ABCA13: variants seen among roughly 807,000 people sequenced by gnomAD.
ABCA13 encodes the protein ATP binding cassette subfamily A member 13, also known as ATP-binding cassette sub-family A member 13.
In ABCA13, 476 loss-of-function variants were observed where a neutral mutation model predicts 478.7. The observed-to-expected ratio is 0.99, with a 90% confidence interval of 0.92 to 1.07. ABCA13 has a LOEUF of 1.07. ABCA13 is among the 50% of genes least tolerant of loss of function. ABCA13 has a pLI of 0.00. For synonymous variants in ABCA13, 2,252 were observed against 2,158.9 expected (o/e 1.04, Z -1.20); for missense variants, 6,060 against 5,910.6 (o/e 1.03, Z -0.83).
intron 49 of ABCA13, among the ~76,000 whole-genome samples, chr7:48,507,079 C>T (rs1831278754): frequency 6.6e-6 from 1 of 152,188 alleles, no homozygotes; most frequent in Non-Finnish European, 1.5e-5. Context: ...CAGGAAGCAC[C>T]GGTTGGGTTG....
chr7:48,627,108 A>G (rs1220699810), intron 59 of ABCA13: 1 of 922,834 alleles, frequency 1.1e-6, no homozygotes. Flanking sequence ...CTTTCTGTGC[A>G]TGGTCTTATT....
chr7:48,359,707 C>G (rs1320487688), intron 31 of ABCA13, among the ~76,000 whole-genome samples: 1 of 151,962 alleles, frequency 6.6e-6, no homozygotes, highest in African/African-American at 2.4e-5. Context: ...CCTCCCTGCA[C>G]TTGCCTCAAA....
At chr7:48,347,932 A>G (rs907493669) in intron 29 of ABCA13, among the ~76,000 whole-genome samples, 11 of 152,196 alleles carry the variant, frequency 7.2e-5, no homozygotes, top group African/African-American at 2.2e-4. Flanking sequence ...TGAGCAGATG[A>G]TTATCATTTC....
chr7:48,387,725 A>G (rs976173411), intron 35 of ABCA13, 97 bp from the exon 36 acceptor site: 1 of 1,038,812 alleles, frequency 9.6e-7, no homozygotes, highest in African/African-American at 1.6e-5. Context: ...AAATATTAAC[A>G]TGGGATGACA....
Position 48,352,177 on chromosome 7 carries a change from C to G in ABCA13, c.10382-4C>G. The stretch of plus-strand genomic sequence containing the variant: ...ATGCTTCGTTTTTCCTTTTCTGCCA[C>G]TAGGTATCATTTTCAGCAATTCCTT... On this transcript the variant is annotated splice_region_variant and splice_polypyrimidine_tract_variant and intron_variant, in intron 30 of 61. Coordinates refer to ENST00000435803, the MANE Select transcript of ABCA13 (RefSeq NM_152701.5). The G allele has an allele frequency of 6.2e-6, 10 of 1,600,268 alleles. No individual in the cohort carries two copies. Among genetic ancestry groups the G allele is most frequent in the Non-Finnish European group, 8.5e-6 (10 of 1,170,224 alleles).
intron 57 of ABCA13, among the ~76,000 whole-genome samples, chr7:48,591,667 G>T: frequency 6.6e-6 from 1 of 151,836 alleles, no homozygotes; most frequent in Non-Finnish European, 1.5e-5. Flanking sequence ...ATAGTTTTCA[G>T]TATACAGATC....
intron 19 of ABCA13, 30 bp downstream of exon 19, chr7:48,281,482 A>C (rs1797027851): frequency 6.4e-7 from 1 of 1,553,216 alleles, no homozygotes; most frequent in African/African-American, 1.4e-5. Flanking sequence ...AGTGCTCTGC[A>C]ATTGCCCTGT....
chr7:48,379,201 A>G (rs987404694), intron 35 of ABCA13, among the ~76,000 whole-genome samples: 10 of 152,368 alleles, frequency 6.6e-5, no homozygotes, highest in Admixed American at 4.6e-4. Context: ...AGCTAAAAAT[A>G]AGAGTTGGCA....
chr7:48,273,178 T>C lies in ABCA13; in HGVS notation c.3512T>C (p.Val1171Ala), dbSNP rs1795854689. Reference sequence around the variant, plus strand: ...CAATTATTTAAGTTTGACATGAATGTTTTCACATCTCTTCATCATGGTTTC... The same window carrying C: ...CAATTATTTAAGTTTGACATGAATGCTTTCACATCTCTTCATCATGGTTTC... The part of the protein sequence containing the change: ...ISQLFKFDMN[V>A]FTSLHHGFTQ... The change falls in exon 17 of 62, where the codon GTT becomes GCT. Residue 1171 changes from valine to alanine, a missense_variant. This residue lies in a region of ABCA13 where 4,423 missense variants were observed against 4,309.1 expected (regional missense o/e 1.03). Coordinates refer to ENST00000435803, the MANE Select transcript of ABCA13 (RefSeq NM_152701.5). 1 of 1,613,690 alleles carries C rather than the reference T, an allele frequency of 6.2e-7. No homozygotes were observed. Among genetic ancestry groups the C allele is most frequent in the Non-Finnish European group, 8.5e-7 (1 of 1,179,742 alleles).
At chr7:48,247,496 C>T (rs1037373402) in intron 13 of ABCA13, among the ~76,000 whole-genome samples, 1 of 152,000 alleles carries the variant, frequency 6.6e-6, no homozygotes, top group African/African-American at 2.4e-5. Context: ...AACAAATCAC[C>T]CCAAAGCTCA....
At chr7:48,557,127 C>A (rs1785915866) in intron 55 of ABCA13, among the ~76,000 whole-genome samples, 1 of 151,860 alleles carries the variant, frequency 6.6e-6, no homozygotes, top group Admixed American at 6.6e-5. Flanking sequence ...TTTTTTGTTT[C>A]TCTTTAAGTT....
At chr7:48,222,658 G>A (rs1057071101) in intron 5 of ABCA13, among the ~76,000 whole-genome samples, 1 of 152,106 alleles carries the variant, frequency 6.6e-6, no homozygotes, top group Admixed American at 6.6e-5. Flanking sequence ...CATATCCATC[G>A]TATGTTTGCG....
chr7:48,273,426 G>C lies in ABCA13; in HGVS notation c.3760G>C (p.Glu1254Gln), dbSNP rs1434222714. The C allele has an allele frequency of 6.2e-7, 1 of 1,613,308 alleles. No individual in the cohort carries two copies. The highest frequency in any genetic ancestry group is 2.2e-5 in the East Asian group (1 of 44,842). The change falls in exon 17 of 62, where the codon GAG (glutamate) becomes CAG (glutamine). Residue 1254 changes from glutamate (E) to glutamine (Q), a missense_variant. This residue lies in a region of ABCA13 where 4,423 missense variants were observed against 4,309.1 expected (regional missense o/e 1.03). Coordinates refer to ENST00000435803, the MANE Select transcript of ABCA13 (RefSeq NM_152701.5). ...AAAAAAACTTAACTTGGAGCAAGTG[G>C]AGAAATCCCTTTTCACCATGGAAGC... ...SVKKLNLEQVEKSLFTMEAAL... is the reference protein window; with the variant it reads ...SVKKLNLEQVQKSLFTMEAAL...
chr7:48,551,135 T>C (rs987259925), intron 55 of ABCA13, among the ~76,000 whole-genome samples: 1 of 146,576 alleles, frequency 6.8e-6, no homozygotes, highest in African/African-American at 2.6e-5. Flanking sequence ...GAGTTTTTTG[T>C]TTGTTTTTGT....
Position 48,524,228 on chromosome 7 carries a change from C to T in ABCA13, c.14052-20C>T. On this transcript the variant is annotated intron_variant, in intron 53 of 61. Coordinates refer to ENST00000435803, the MANE Select transcript of ABCA13 (RefSeq NM_152701.5). Reference sequence around the variant, plus strand: ...GTATCATTTGCTAGGTGTGAATTCACTCTGATTTCATCTTCCCAGGGGTCA... The same window carrying T: ...GTATCATTTGCTAGGTGTGAATTCATTCTGATTTCATCTTCCCAGGGGTCA... 1 of 1,601,106 alleles carries T rather than the reference C, an allele frequency of 6.2e-7. No homozygotes were observed. Among genetic ancestry groups the T allele is most frequent in the Non-Finnish European group, 8.5e-7 (1 of 1,172,312 alleles).
intron 15 of ABCA13, among the ~76,000 whole-genome samples, chr7:48,259,326 G>T (rs1793845057): frequency 1.3e-5 from 2 of 152,122 alleles, no homozygotes; most frequent in African/African-American, 4.8e-5. Flanking sequence ...AGGTCTTCTT[G>T]TTGGATTGAA....
At chr7:48,284,070 CATTGGG>C (rs1211804418) in intron 19 of ABCA13, among the ~76,000 whole-genome samples, 4 of 152,188 alleles carry the variant, frequency 2.6e-5, no homozygotes, top group African/African-American at 4.8e-5. Flanking sequence ...CCCTGCATGC[CATTGGG>C]AAAACTACTT....
Position 48,171,856 on chromosome 7 carries a change from C to T in ABCA13, c.69+304C>T, listed in dbSNP as rs543986615. 7.2e-5 allele frequency among the ~76,000 whole-genome samples: 11 copies of T among 152,290 alleles called. No individual in the cohort carries two copies. The South Asian group carries it at 2.3e-3, about 32-fold the overall frequency. ...AACTATAATTTGTGTTCTAAGCATT[C>T]GTTGTAAAAACTGAACAGTGAATTC... On this transcript the variant is annotated intron_variant, in intron 1 of 61. Transcript: ENST00000435803.
At chr7:48,381,567 G>A (rs900909433) in intron 35 of ABCA13, among the ~76,000 whole-genome samples, 1 of 152,010 alleles carries the variant, frequency 6.6e-6, no homozygotes, top group African/African-American at 2.4e-5. Context: ...TCAACTGCAG[G>A]TCTCCACGCT....
Sources: allele counts gnomAD v4.1 joint callset (sites outside exome capture counted in the v4.1 genomes callset), GRCh38; gene constraint gnomAD v4.1.1; regional missense constraint gnomAD v4.1.1; transcripts MANE v1.5; gene names NCBI Gene and HGNC (gene_info 2026-07-23, HGNC 2026-07-21).